PCGF3: variants seen among roughly 807,000 people sequenced by gnomAD.
PCGF3 encodes polycomb group RING finger protein 3.
In PCGF3, 7 loss-of-function variants were observed where a neutral mutation model predicts 33.1. That is an observed-to-expected ratio of 0.21 (90% CI 0.12 to 0.40). PCGF3 has a LOEUF of 0.40. Ranked by LOEUF, PCGF3 falls within the 10% of genes least tolerant of loss-of-function variation. The pLI is 1.00. For missense variants in PCGF3, 211 were observed against 313.3 expected, an observed-to-expected ratio of 0.67 and a Z score of 2.46; for synonymous variants, 153 against 121.3, an observed-to-expected ratio of 1.26 and a Z score of -1.72.
chr4:717,654 A>G (rs1742912937), intron 1 of PCGF3, among the ~76,000 whole-genome samples: 3 of 152,184 alleles, frequency 2.0e-5, no homozygotes, highest in African/African-American at 7.2e-5. Context: ...CTGGGATTAC[A>G]AGTGTGAGCC....
chr4:723,880 A>G (rs866578100), intron 1 of PCGF3: 9 of 152,610 alleles, frequency 5.9e-5, no homozygotes, highest in East Asian at 5.8e-4. Context: ...TGTGGTCTCC[A>G]TGGCCGCAGC....
intron 5 of PCGF3, among the ~76,000 whole-genome samples, chr4:735,583 G>C (rs1402588515): frequency 2.6e-5 from 4 of 152,166 alleles, no homozygotes; most frequent in Non-Finnish European, 5.9e-5. Context: ...TTAAATTGTT[G>C]GAGAGCCCTC....
At chr4:741,348 C>T (rs890322710) in intron 6 of PCGF3, among the ~76,000 whole-genome samples, 13 of 152,242 alleles carry the variant, frequency 8.5e-5, no homozygotes, top group Non-Finnish European at 1.6e-4. Flanking sequence ...CTCCTCAGAT[C>T]AGGCTGGACT....
At chr4:735,071 C>T in intron 5 of PCGF3, 44 bp downstream of exon 5, 1 of 1,584,564 alleles carries the variant, frequency 6.3e-7, no homozygotes, top group Non-Finnish European at 8.6e-7. Context: ...GGGTGAGTGC[C>T]CCTGGGCGTC....
At chr4:726,183 C>T (rs549283948) in intron 1 of PCGF3, among the ~76,000 whole-genome samples, 179 of 152,374 alleles carry the variant, frequency 1.2e-3, no homozygotes, top group African/African-American at 3.7e-3. Context: ...GCCATCTTGT[C>T]GGGTTTTTAA....
At chr4:737,357 C>CA in intron 5 of PCGF3, 109 bp from the exon 6 acceptor site, 1 of 746,630 alleles carries the variant, frequency 1.3e-6, no homozygotes, top group Non-Finnish European at 2.3e-6. Context: ...AAAATTCCAA[C>CA]AAAGCTCCAG....
chr4:756,529 A>C (rs1744777090), intron 8 of PCGF3, among the ~76,000 whole-genome samples: 1 of 152,180 alleles, frequency 6.6e-6, no homozygotes, highest in African/African-American at 2.4e-5. Context: ...TAAACTCTAG[A>C]GTTGAACATT....
chr4:715,563 G>A (rs1191987995), intron 1 of PCGF3, among the ~76,000 whole-genome samples: 8 of 119,580 alleles, frequency 6.7e-5, no homozygotes, highest in African/African-American at 1.6e-4. Context: ...ACTGGGTGTC[G>A]GTGCTGGGAC....
intron 1 of PCGF3, chr4:722,388 C>G: frequency 5.0e-6 from 1 of 200,962 alleles, no homozygotes; most frequent in Non-Finnish European, 1.0e-5. Flanking sequence ...CTGGAGGCTG[C>G]CCCAGGCAGC....
rs948592756 is a variant in PCGF3, at chr4:753,701, A to G, written c.463-7578A>G. 7.3e-5 allele frequency among the ~76,000 whole-genome samples: 11 copies of G among 151,622 alleles called. No individual in the cohort carries two copies. The South Asian group carries it at 2.1e-3, about 29-fold the overall frequency. On this transcript the variant is annotated intron_variant, in intron 8 of 10. Coordinates refer to ENST00000362003, the Ensembl canonical transcript of PCGF3. ...GGTGGCTCACGCCTGTAATCCCAGT[A>G]CTTTGGGAGGCTGAGGCGGGCAGAT...
rs965109934 is a variant in PCGF3, at chr4:734,028, C to T, written c.109+239C>T. Reference sequence around the variant, plus strand: ...TTAGGAGAGCGAAACACAGGAGAGACCCCACATTCCTCCCACGGAGCAGCA... The same window carrying T: ...TTAGGAGAGCGAAACACAGGAGAGATCCCACATTCCTCCCACGGAGCAGCA... On this transcript the variant is annotated intron_variant, in intron 4 of 10. Transcript: ENST00000362003. The T allele has an allele frequency of 1.9e-6, 3 of 1,550,638 alleles. No homozygotes were observed. In the African/African-American group the frequency reaches 4.1e-5, roughly 21 times the overall value.
chr4:719,386 C>G (rs560753204), intron 1 of PCGF3, among the ~76,000 whole-genome samples: 3 of 152,224 alleles, frequency 2.0e-5, no homozygotes, highest in Non-Finnish European at 2.9e-5. Context: ...TCTGTGTGTC[C>G]GCACGAGGTT....
chr4:749,516 T>C (rs184339538), intron 8 of PCGF3, among the ~76,000 whole-genome samples: 12 of 139,356 alleles, frequency 8.6e-5, no homozygotes, highest in Non-Finnish European at 1.9e-4. Context: ...AGTCTCACTT[T>C]GTCGCCAGGC....
intron 1 of PCGF3, among the ~76,000 whole-genome samples, chr4:710,965 A>G (rs1272526012): frequency 1.3e-5 from 2 of 152,238 alleles, no homozygotes; most frequent in Admixed American, 6.5e-5. Context: ...TTGCGCTTGC[A>G]GTTATTTGTG....
rs554504819 is a variant in PCGF3, at chr4:744,619, C to T, written c.393C>T (p.Asp131=). The stretch of plus-strand genomic sequence containing the variant: ...TAAAAGGTGAAACCAAAGCAGACGA[C>T]AGTTCAAACAAAGAGGCCGCGGAGG... The change falls in exon 8 of 11, where the codon GAC becomes GAT. Residue 131 remains aspartate, a synonymous_variant. Transcript: ENST00000362003. 11 of 1,559,424 alleles carry T rather than the reference C, an allele frequency of 7.1e-6. No individual in the cohort carries two copies. The African/African-American group carries it at 1.4e-4, about 19-fold the overall frequency.
At chr4:766,357 AC>A (rs1745373650) in exon 11 of PCGF3, 1 of 362,538 alleles carries the variant, frequency 2.8e-6, no homozygotes, top group Non-Finnish European at 5.0e-6. Context: ...TCCAGGCAAC[AC>A]GGTTCTGAGT....
At chr4:709,848 A>G (rs2109506682) in intron 1 of PCGF3, among the ~76,000 whole-genome samples, 1 of 152,312 alleles carries the variant, frequency 6.6e-6, no homozygotes. Flanking sequence ...GCCTGGACCT[A>G]GAAGCTCTTA....
intron 9 of PCGF3, chr4:761,744 G>A (rs1745071524): frequency 1.0e-6 from 1 of 985,328 alleles, no homozygotes; most frequent in South Asian, 4.7e-5. Flanking sequence ...GACATGGGCG[G>A]ATGCAGAGAG....
intron 4 of PCGF3, chr4:733,997 C>G (rs767769119): frequency 3.8e-5 from 59 of 1,550,982 alleles, no homozygotes; most frequent in Non-Finnish European, 4.9e-5. Flanking sequence ...GCAGATGAGG[C>G]CTCGCTTAGG....
Sources: allele counts gnomAD v4.1 joint callset (sites outside exome capture counted in the v4.1 genomes callset), GRCh38; gene constraint gnomAD v4.1.1; transcripts MANE v1.5; gene names NCBI Gene and HGNC (gene_info 2026-07-23, HGNC 2026-07-21).